The following PHF2 variants were observed in gnomAD, a reference collection of about 807,000 sequenced individuals.
PHF2 encodes PHD finger protein 2, also known as lysine-specific demethylase PHF2.
In PHF2, 27 loss-of-function variants were observed where a neutral mutation model predicts 120.5. That is an observed-to-expected ratio of 0.22 (90% confidence interval 0.17 to 0.31). The LOEUF (loss-of-function observed/expected upper bound fraction) is 0.31, where lower values mean the gene tolerates loss of function less well. Ranked by LOEUF, PHF2 falls within the 10% of genes least tolerant of loss-of-function variation. The pLI is 1.00. For missense variants in PHF2, 1,024 were observed against 1,434.8 expected (o/e 0.71, Z 4.63); for synonymous variants, 568 against 592.5 (o/e 0.96, Z 0.60).
chr9:93,619,260 A>T (rs1438688150), intron 1 of PHF2, among the ~76,000 whole-genome samples: 1 of 150,896 alleles, frequency 6.6e-6, no homozygotes, highest in Admixed American at 6.6e-5. Context: ...TGAGACACAG[A>T]CCCTTGGGCC....
intron 1 of PHF2, among the ~76,000 whole-genome samples, chr9:93,588,844 C>G (rs1863115484): frequency 6.6e-6 from 1 of 152,146 alleles, no homozygotes; most frequent in South Asian, 2.1e-4. Context: ...TGAGCCGAAA[C>G]TGCGCCACTG....
chr9:93,642,626 T>A (rs1246150995), intron 3 of PHF2, among the ~76,000 whole-genome samples: 2 of 152,256 alleles, frequency 1.3e-5, no homozygotes, highest in Non-Finnish European at 2.9e-5. Context: ...CTAGTTGCTG[T>A]TTCTTTATAT....
chr9:93,663,305 C>T lies in PHF2; in HGVS notation c.1819-212C>T, dbSNP rs534463544. Among the ~76,000 whole-genome samples, 3 of 152,274 alleles carry T rather than the reference C, an allele frequency of 2.0e-5. No homozygotes were observed. In the South Asian group the frequency reaches 6.2e-4, roughly 32 times the overall value. On this transcript the variant is annotated intron_variant, in intron 13 of 21. Transcript: ENST00000359246. ...CACGGTCCACACACTGGTTTTCATT[C>T]CCACTCCATGGGGGTCAGGCAACAT...
At chr9:93,600,249 C>CTGTG (rs147941136) in intron 1 of PHF2, among the ~76,000 whole-genome samples, 3 of 150,988 alleles carry the variant, frequency 2.0e-5, no homozygotes, top group African/African-American at 4.9e-5. Flanking sequence ...GGATGTGTGT[C>CTGTG]TGTGTGTGTG....
At chr9:93,644,021 T>C (rs975155887) in intron 3 of PHF2, among the ~76,000 whole-genome samples, 1 of 152,136 alleles carries the variant, frequency 6.6e-6, no homozygotes, top group Non-Finnish European at 1.5e-5. Context: ...GTGCCCCCAC[T>C]CTGCCCTGCT....
chr9:93,600,750 C>T (rs1291804416), intron 1 of PHF2, among the ~76,000 whole-genome samples: 3 of 152,174 alleles, frequency 2.0e-5, no homozygotes, highest in African/African-American at 7.2e-5. Context: ...GCAGCCACAC[C>T]CAGACCCTGC....
At chr9:93,592,310 C>T (rs1009683295) in intron 1 of PHF2, among the ~76,000 whole-genome samples, 4 of 152,168 alleles carry the variant, frequency 2.6e-5, no homozygotes, top group African/African-American at 9.7e-5. Flanking sequence ...GGGGTGATCC[C>T]AGGCAGACAC....
intron 1 of PHF2, among the ~76,000 whole-genome samples, chr9:93,591,103 G>T (rs1217173122): frequency 6.6e-6 from 1 of 152,090 alleles, no homozygotes; most frequent in Non-Finnish European, 1.5e-5. Context: ...CTGTCATGGG[G>T]GCCAGCAGCC....
At chr9:93,618,975 T>C (rs1825779557) in intron 1 of PHF2, among the ~76,000 whole-genome samples, 1 of 75,090 alleles carries the variant, frequency 1.3e-5, no homozygotes, top group Non-Finnish European at 2.9e-5. Flanking sequence ...CTCTAGTGCT[T>C]GTTCACTTCC....
At chr9:93,644,526 C>T (rs546996857) in intron 3 of PHF2, among the ~76,000 whole-genome samples, 1 of 152,190 alleles carries the variant, frequency 6.6e-6, no homozygotes, top group African/African-American at 2.4e-5. Context: ...CACTGTCTGT[C>T]CGCGTCAGAG....
At chr9:93,592,894 C>T (rs1825255159) in intron 1 of PHF2, among the ~76,000 whole-genome samples, 1 of 152,002 alleles carries the variant, frequency 6.6e-6, no homozygotes, top group Non-Finnish European at 1.5e-5. Flanking sequence ...ATCCCAGCCT[C>T]ATAGCCCCAG....
chr9:93,577,244 G>A (rs1190643516), intron 1 of PHF2, among the ~76,000 whole-genome samples: 13 of 151,318 alleles, frequency 8.6e-5, no homozygotes, highest in Non-Finnish European at 1.9e-4. Flanking sequence ...GGGAGGCCGA[G>A]GCCCGGAGCC....
chr9:93,597,089 C>A (rs1825349199), intron 1 of PHF2, among the ~76,000 whole-genome samples: 1 of 152,090 alleles, frequency 6.6e-6, no homozygotes, highest in Non-Finnish European at 1.5e-5. Context: ...CGCCACCACA[C>A]CCAGCTAATT....
chr9:93,658,293 C>A, intron 10 of PHF2, 57 bp downstream of exon 10: 1 of 1,310,584 alleles, frequency 7.6e-7, no homozygotes, highest in Admixed American at 1.8e-5. Context: ...GCGGGAGGAC[C>A]TCCCTGGAGA....
intron 9 of PHF2, among the ~76,000 whole-genome samples, chr9:93,657,124 T>TG (rs141048026): frequency 0.017 from 2,630 of 152,190 alleles, 58 homozygotes; most frequent in African/African-American, 0.057. Flanking sequence ...TGAGAGCAGG[T>TG]GGCTCCTGCC....
intron 1 of PHF2, among the ~76,000 whole-genome samples, chr9:93,605,963 G>A (rs1825535583): frequency 2.0e-5 from 3 of 151,828 alleles, no homozygotes; most frequent in African/African-American, 7.3e-5. Context: ...GTAAGAGTGT[G>A]TTTAGTTTTG....
chr9:93,643,340 T>C (rs1024619760), intron 3 of PHF2, among the ~76,000 whole-genome samples: 70 of 152,308 alleles, frequency 4.6e-4, no homozygotes, highest in African/African-American at 1.5e-3. Flanking sequence ...TCAAGGACAA[T>C]TTTCTGCCTG....
intron 1 of PHF2, among the ~76,000 whole-genome samples, chr9:93,618,059 C>T (rs1454627765): frequency 1.3e-5 from 2 of 152,262 alleles, no homozygotes; most frequent in Non-Finnish European, 2.9e-5. Context: ...GCCACACCCA[C>T]TCACCTCTGT....
At chr9:93,614,116 T>C (rs2250344) in intron 1 of PHF2, among the ~76,000 whole-genome samples, 104,520 of 152,168 alleles carry the variant, frequency 0.69, 36,368 homozygotes, top group South Asian at 0.77. Flanking sequence ...CCCTCTACCT[T>C]AGACCATGGC....
Sources: gnomAD v4.1 joint callset for allele counts (sites outside exome capture counted in the v4.1 genomes callset) on GRCh38, gnomAD v4.1.1 for gene constraint, MANE v1.5 for transcripts, NCBI Gene and HGNC (gene_info 2026-07-23, HGNC 2026-07-21) for gene names.